SRSF4: variants seen among roughly 807,000 people sequenced by gnomAD.
SRSF4 encodes the protein serine and arginine rich splicing factor 4, also known as serine/arginine-rich splicing factor 4.
SRSF4 carries 12 observed loss-of-function variants against 48.8 expected under a neutral mutation model. That is an observed-to-expected ratio of 0.25 (90% CI 0.16 to 0.40). The LOEUF is 0.40. Among genes scored for constraint, SRSF4 ranks in the 10% least tolerant of loss-of-function variants. SRSF4 has a pLI of 1.00. For missense variants in SRSF4, 466 were observed against 667.1 expected (o/e 0.70, Z 3.32); for synonymous variants, 248 against 232.5 (o/e 1.07, Z -0.61).
At chr1:29,174,222 A>C (rs1672798770) in intron 1 of SRSF4, among the ~76,000 whole-genome samples, 1 of 152,004 alleles carries the variant, frequency 6.6e-6, no homozygotes, top group Non-Finnish European at 1.5e-5. Context: ...GAAAAAAAAA[A>C]ATAGGAGCTC....
intron 5 of SRSF4, 74 bp downstream of exon 5, chr1:29,150,029 A>G: frequency 7.4e-7 from 1 of 1,342,322 alleles, no homozygotes; most frequent in Non-Finnish European, 1.0e-6. Context: ...CTTTGAAAAA[A>G]AAAAGAAAAA....
intron 4 of SRSF4, among the ~76,000 whole-genome samples, chr1:29,150,444 AG>A (rs1672392006): frequency 1.3e-5 from 2 of 152,044 alleles, no homozygotes; most frequent in Admixed American, 1.3e-4. Flanking sequence ...TTGTATTTTT[AG>A]TAGAGACGGG....
chr1:29,154,449 C>A (rs1672467661), intron 4 of SRSF4: 3 of 459,904 alleles, frequency 6.5e-6, no homozygotes, highest in Non-Finnish European at 1.2e-5. Flanking sequence ...CCCACCTTGG[C>A]CTCCCAAAGT....
chr1:29,160,286 G>A lies in SRSF4; in HGVS notation c.250+89C>T, dbSNP rs547363950. On this transcript the variant is annotated intron_variant, in intron 2 of 5. Coordinates refer to ENST00000373795, the MANE Select transcript of SRSF4 (RefSeq NM_005626.5). ...TACAAAATAGCTTAAACATCAATAC[G>A]TTTAAATGTAATATCAATTAATTAC... 1.0e-5 allele frequency: 14 copies of A among 1,403,100 alleles called. No homozygotes were observed. The East Asian group carries it at 2.0e-4, about 20-fold the overall frequency. The allele number at this position is 1,403,100 out of a possible 1,614,324, so 86.9% of individuals were successfully genotyped here.
chr1:29,150,871 T>C (rs1423768660), intron 4 of SRSF4, among the ~76,000 whole-genome samples: 1 of 152,202 alleles, frequency 6.6e-6, no homozygotes, highest in African/African-American at 2.4e-5. Context: ...TTTCTACCTC[T>C]GCTGCTGCCT....
chr1:29,159,722 T>G, intron 2 of SRSF4: 1 of 332,008 alleles, frequency 3.0e-6, no homozygotes, highest in South Asian at 8.3e-5. Context: ...CATTTAAGAT[T>G]AACATGCATA....
chr1:29,148,757 G>A lies in SRSF4; in HGVS notation c.1138C>T (p.Arg380Ter), dbSNP rs1002849510. ...SRSKSERSRK[R>*]GSKRDSKAGS... ...GCCTTGCTGTCTCGCTTGCTGCCTCGCTTTCTGCTCCTCTCACTCTTGCTG... is the reference window on the plus strand; with the variant it reads ...GCCTTGCTGTCTCGCTTGCTGCCTCACTTTCTGCTCCTCTCACTCTTGCTG... The change falls in exon 6 of 6, where the codon CGA becomes TGA. Residue 380 changes from arginine (R) to a stop codon, truncating the protein, a stop_gained. Coordinates refer to ENST00000373795, the MANE Select transcript of SRSF4 (RefSeq NM_005626.5). LOFTEE classifies it high-confidence loss of function. The A allele has an allele frequency of 1.9e-6, 3 of 1,613,228 alleles. No homozygotes were observed. Among genetic ancestry groups the A allele is most frequent in the Non-Finnish European group, 2.5e-6 (3 of 1,179,820 alleles).
rs144310655 is a variant in SRSF4 at position 29,153,102 on chromosome 1, C to T, written c.578+1594G>A. On this transcript the variant is annotated intron_variant, in intron 4 of 5. Coordinates refer to ENST00000373795, the MANE Select transcript of SRSF4 (RefSeq NM_005626.5). ...CGGTTTATTCAATACTCATCTTCTA[C>T]GCTAGACTGAGTTTCAGGGGGGCAA... is the stretch of plus-strand genomic sequence containing the variant. Among the ~76,000 whole-genome samples, 10 of 152,200 alleles carry T rather than the reference C, an allele frequency of 6.6e-5. No individual in the cohort carries two copies. The East Asian group carries it at 7.7e-4, about 12-fold the overall frequency.
At chr1:29,168,708 G>A (rs1672702325) in intron 1 of SRSF4, 1 of 152,126 alleles carries the variant, frequency 6.6e-6, no homozygotes, top group East Asian at 1.9e-4. Context: ...ATCAACCCCC[G>A]GAGTCTGTCT....
chr1:29,149,317 C>A (rs938635291), intron 5 of SRSF4, 91 bp from the exon 6 acceptor site: 15 of 1,402,932 alleles, frequency 1.1e-5, no homozygotes, highest in Admixed American at 4.6e-5. Flanking sequence ...TGGAGTTACA[C>A]CCCCCAATAT....
At chr1:29,181,337 C>A (rs1389555396) in intron 1 of SRSF4, among the ~76,000 whole-genome samples, 1 of 152,258 alleles carries the variant, frequency 6.6e-6, no homozygotes, top group Non-Finnish European at 1.5e-5. Flanking sequence ...GAAGGGAAAA[C>A]CCAGGTCTCC....
In SRSF4 at chr1:29,161,783, G is replaced by C. The variant is rs144800950; in HGVS notation, c.108-1266C>G. Among the ~76,000 whole-genome samples, 884 of 152,266 alleles carry C rather than the reference G, an allele frequency of 5.8e-3. 10 individuals carry two copies. Among genetic ancestry groups the C allele is most frequent in the African/African-American group, 0.02 (842 of 41,542 alleles). On this transcript the variant is annotated intron_variant, in intron 1 of 5. Coordinates refer to ENST00000373795, the MANE Select transcript of SRSF4 (RefSeq NM_005626.5). ...CTGGCTACTTTTTGTATTTTTAGTA[G>C]AGACAGGGTTTTGCCATGTTGGCCA... is the stretch of plus-strand genomic sequence containing the variant.
At chr1:29,173,668 C>CA (rs1469505520) in intron 1 of SRSF4, among the ~76,000 whole-genome samples, 3 of 147,984 alleles carry the variant, frequency 2.0e-5, no homozygotes, top group Non-Finnish European at 4.5e-5. Context: ...AGGCTGGTCT[C>CA]AAACTCCTGA....
chr1:29,177,303 C>G (rs555722221), intron 1 of SRSF4, among the ~76,000 whole-genome samples: 1 of 136,210 alleles, frequency 7.3e-6, no homozygotes, highest in African/African-American at 2.8e-5. Context: ...TTTTTTGAGA[C>G]GAAGTTTTGC....
At chr1:29,176,277 A>G (rs1024108880) in intron 1 of SRSF4, among the ~76,000 whole-genome samples, 2 of 151,974 alleles carry the variant, frequency 1.3e-5, no homozygotes, top group Non-Finnish European at 2.9e-5. Flanking sequence ...CAAAAAACAA[A>G]AAAACAACAA....
At chr1:29,175,558 G>A (rs562597804) in intron 1 of SRSF4, among the ~76,000 whole-genome samples, 2 of 149,690 alleles carry the variant, frequency 1.3e-5, no homozygotes, top group East Asian at 2.0e-4. Flanking sequence ...AGCCGGGAGC[G>A]GTGGCGGGCT....
chr1:29,149,766 G>A lies in SRSF4; in HGVS notation c.668+337C>T, dbSNP rs1672377679. Among the ~76,000 whole-genome samples the A allele has an allele frequency of 2.6e-5, 4 of 152,004 alleles. No individual in the cohort carries two copies. The South Asian group carries it at 8.3e-4, about 32-fold the overall frequency. On this transcript the variant is annotated intron_variant, in intron 5 of 5. Coordinates refer to ENST00000373795, the MANE Select transcript of SRSF4 (RefSeq NM_005626.5). ...ATGATTGAAATCCAAGTGAGGCTGG[G>A]CACAGTGGCTCATGTCTGTAATCGC... is the stretch of plus-strand genomic sequence containing the variant.
chr1:29,153,439 C>T (rs145025887), intron 4 of SRSF4, among the ~76,000 whole-genome samples: 24 of 151,352 alleles, frequency 1.6e-4, no homozygotes, highest in Admixed American at 8.6e-4. Context: ...TAAGCCACCG[C>T]GTCTGGCCAT....
chr1:29,176,395 G>C (rs1271672645), intron 1 of SRSF4, among the ~76,000 whole-genome samples: 1 of 151,938 alleles, frequency 6.6e-6, no homozygotes, highest in Non-Finnish European at 1.5e-5. Flanking sequence ...ACTTGGTGGT[G>C]GGTGAAGATA....
Sources: allele counts gnomAD v4.1 joint callset (sites outside exome capture counted in the v4.1 genomes callset), GRCh38; gene constraint gnomAD v4.1.1; transcripts MANE v1.5; gene names NCBI Gene and HGNC (gene_info 2026-07-23, HGNC 2026-07-21).